PCDH9: variants seen among roughly 807,000 people sequenced by gnomAD.
The protein encoded by PCDH9 is protocadherin-9.
Under a neutral mutation model 70.6 loss-of-function variants are expected in PCDH9, and 24 were observed. That is an observed-to-expected ratio of 0.34 (90% CI 0.25 to 0.48). PCDH9 has a LOEUF of 0.48. Among genes scored for constraint, PCDH9 ranks in the 20% least tolerant of loss-of-function variants. The pLI is 0.99. For missense variants in PCDH9, 1,281 were observed against 1,503.6 expected (o/e 0.85, Z 2.45); for synonymous variants, 562 against 558.5 (o/e 1.01, Z -0.09).
intron 3 of PCDH9, among the ~76,000 whole-genome samples, chr13:66,668,662 C>T (rs1021924668): frequency 6.6e-6 from 1 of 152,010 alleles, no homozygotes. Flanking sequence ...CCGAGAGAGC[C>T]CTCTAAAAAT....
intron 3 of PCDH9, among the ~76,000 whole-genome samples, chr13:66,695,150 G>A (rs2078543717): frequency 6.6e-6 from 1 of 152,060 alleles, no homozygotes; most frequent in Non-Finnish European, 1.5e-5. Flanking sequence ...TGATCCTCCC[G>A]CCTCAGCCTC....
chr13:66,938,828 A>C (rs2082959702), intron 2 of PCDH9, among the ~76,000 whole-genome samples: 1 of 152,132 alleles, frequency 6.6e-6, no homozygotes, highest in African/African-American at 2.4e-5. Context: ...CTACATGCAA[A>C]CTTCATATAT....
At chr13:66,380,035 A>G (rs972249004) in intron 4 of PCDH9, among the ~76,000 whole-genome samples, 3 of 152,186 alleles carry the variant, frequency 2.0e-5, no homozygotes, top group African/African-American at 7.2e-5. Flanking sequence ...TATTTCACTT[A>G]GAATATATAT....
chr13:66,379,693 A>G (rs1265822174), intron 4 of PCDH9, among the ~76,000 whole-genome samples: 1 of 152,184 alleles, frequency 6.6e-6, no homozygotes, highest in Non-Finnish European at 1.5e-5. Context: ...TTACCCTGGC[A>G]ATCAAGTCAG....
intron 4 of PCDH9, among the ~76,000 whole-genome samples, chr13:66,359,529 C>T (rs1293713632): frequency 4.0e-5 from 6 of 151,882 alleles, no homozygotes; most frequent in Admixed American, 2.0e-4. Flanking sequence ...CCCTCAGGAG[C>T]CCTTTCAGAA....
intron 4 of PCDH9, among the ~76,000 whole-genome samples, chr13:66,616,874 C>T (rs2077362752): frequency 1.3e-5 from 2 of 152,118 alleles, no homozygotes; most frequent in South Asian, 4.1e-4. Context: ...TCCGTACAAT[C>T]CCCCAAGACA....
intron 3 of PCDH9, among the ~76,000 whole-genome samples, chr13:66,827,526 G>A (rs1194040554): frequency 2.0e-5 from 3 of 152,094 alleles, no homozygotes; most frequent in Non-Finnish European, 4.4e-5. Context: ...GGGTGGTGGT[G>A]GTGTGGTGGC....
chr13:66,953,783 T>C (rs916350354), intron 2 of PCDH9, among the ~76,000 whole-genome samples: 3 of 152,202 alleles, frequency 2.0e-5, no homozygotes, highest in Non-Finnish European at 2.9e-5. Flanking sequence ...ATCTAGTGTA[T>C]GTATTTTCTC....
intron 3 of PCDH9, among the ~76,000 whole-genome samples, chr13:66,749,865 A>G (rs1378385657): frequency 6.6e-6 from 1 of 151,984 alleles, no homozygotes; most frequent in Non-Finnish European, 1.5e-5. Context: ...TTGCACCCTA[A>G]CTCCAGATTA....
At chr13:67,074,821 A>G (rs572314221) in intron 2 of PCDH9, among the ~76,000 whole-genome samples, 3 of 152,294 alleles carry the variant, frequency 2.0e-5, no homozygotes, top group East Asian at 3.9e-4. Context: ...TAAGCAAAAA[A>G]GTTATAAACT....
chr13:67,087,464 T>A (rs1327606206), intron 2 of PCDH9, among the ~76,000 whole-genome samples: 2 of 152,146 alleles, frequency 1.3e-5, no homozygotes, highest in South Asian at 4.1e-4. Flanking sequence ...AGAAATAAAT[T>A]TTAATATAGT....
chr13:66,472,670 G>C (rs1434812835), intron 4 of PCDH9, among the ~76,000 whole-genome samples: 1 of 152,106 alleles, frequency 6.6e-6, no homozygotes, highest in African/African-American at 2.4e-5. Context: ...TCTTAATATT[G>C]AAAGTGATTC....
chr13:66,651,745 T>C (rs2077854849), intron 3 of PCDH9, among the ~76,000 whole-genome samples: 1 of 152,018 alleles, frequency 6.6e-6, no homozygotes, highest in African/African-American at 2.4e-5. Context: ...CTGATGAACA[T>C]TGATGCAAAT....
At chr13:67,046,698 A>C (rs1426698360) in intron 2 of PCDH9, among the ~76,000 whole-genome samples, 1 of 152,118 alleles carries the variant, frequency 6.6e-6, no homozygotes, top group Non-Finnish European at 1.5e-5. Context: ...GGTCTGTGAT[A>C]GAGGAAATGT....
intron 2 of PCDH9, among the ~76,000 whole-genome samples, chr13:66,951,384 T>C (rs973776538): frequency 2.7e-5 from 4 of 148,184 alleles, no homozygotes; most frequent in African/African-American, 2.5e-5. Context: ...TCCACAAGGG[T>C]TTATTTTGTT....
chr13:66,817,764 C>T (rs1370147292), intron 3 of PCDH9, among the ~76,000 whole-genome samples: 2 of 151,974 alleles, frequency 1.3e-5, no homozygotes, highest in African/African-American at 2.4e-5. Context: ...CAAGCATTAA[C>T]AGCTGGCAAC....
chr13:67,087,681 C>T (rs1036365780), intron 2 of PCDH9, among the ~76,000 whole-genome samples: 1 of 152,052 alleles, frequency 6.6e-6, no homozygotes, highest in Non-Finnish European at 1.5e-5. Flanking sequence ...ACTTATACAA[C>T]ACAGGCCAAT....
intron 2 of PCDH9, among the ~76,000 whole-genome samples, chr13:67,183,417 T>G (rs2088667761): frequency 6.6e-6 from 1 of 152,202 alleles, no homozygotes; most frequent in African/African-American, 2.4e-5. Context: ...CTTTTGAATC[T>G]ATAACTTCAA....
chr13:66,627,113 G>A (rs1433451612), intron 4 of PCDH9, among the ~76,000 whole-genome samples: 1 of 152,000 alleles, frequency 6.6e-6, no homozygotes, highest in Admixed American at 6.6e-5. Context: ...ATTAGTACCA[G>A]CTCTCAGTGA....
Sources: allele counts gnomAD v4.1 joint callset (sites outside exome capture counted in the v4.1 genomes callset), GRCh38; gene constraint gnomAD v4.1.1; transcripts MANE v1.5; gene names NCBI Gene and HGNC (gene_info 2026-07-23, HGNC 2026-07-21).